ROBO1: variants seen among roughly 807,000 people sequenced by gnomAD.
ROBO1 encodes roundabout guidance receptor 1.
Under a neutral mutation model 195.9 loss-of-function variants are expected in ROBO1, and 149 were observed. The observed-to-expected ratio is 0.76, with a 90% CI of 0.67 to 0.87. The LOEUF is 0.87. Ranked by LOEUF, ROBO1 falls within the 40% of genes least tolerant of loss-of-function variation. The pLI is 0.00. For synonymous variants in ROBO1, 816 were observed against 733.2 expected, an observed-to-expected ratio of 1.11 and a Z score of -1.82; for missense variants, 1,933 against 2,068.3, an observed-to-expected ratio of 0.93 and a Z score of 1.27.
chr3:78,923,230 T>G (rs2039040581), intron 4 of ROBO1, among the ~76,000 whole-genome samples: 1 of 152,108 alleles, frequency 6.6e-6, no homozygotes. Flanking sequence ...TTTTGAGACT[T>G]TTTCTGTGCC....
intron 3 of ROBO1, among the ~76,000 whole-genome samples, chr3:79,105,844 T>C (rs1419398301): frequency 6.6e-6 from 1 of 151,764 alleles, no homozygotes; most frequent in African/African-American, 2.4e-5. Flanking sequence ...TACCAGTTGG[T>C]GTTTATGAAG....
At chr3:78,991,190 T>C (rs767448842) in intron 3 of ROBO1, among the ~76,000 whole-genome samples, 21 of 152,216 alleles carry the variant, frequency 1.4e-4, no homozygotes, top group Admixed American at 2.0e-4. Flanking sequence ...GCAAAGGTAC[T>C]AAAGGAAAGT....
intron 1 of ROBO1, among the ~76,000 whole-genome samples, chr3:79,604,640 G>A (rs1944430168): frequency 6.6e-6 from 1 of 151,904 alleles, no homozygotes; most frequent in South Asian, 2.1e-4. Context: ...CTGTGGGTGG[G>A]TGCCCAATTC....
At chr3:78,921,917 G>C (rs1306878889) in intron 4 of ROBO1, among the ~76,000 whole-genome samples, 2 of 151,890 alleles carry the variant, frequency 1.3e-5, no homozygotes, top group Admixed American at 6.6e-5. Context: ...CTCCCGAGTA[G>C]CTGGAACTAC....
chr3:78,868,940 T>C (rs2035360101), intron 4 of ROBO1, among the ~76,000 whole-genome samples: 1 of 152,190 alleles, frequency 6.6e-6, no homozygotes, highest in Admixed American at 6.5e-5. Context: ...TATAAACTTT[T>C]TTATTTTCTC....
chr3:78,922,844 C>T (rs979294045), intron 4 of ROBO1, among the ~76,000 whole-genome samples: 12 of 151,920 alleles, frequency 7.9e-5, no homozygotes, highest in African/African-American at 2.4e-4. Flanking sequence ...GGGATCCACC[C>T]GCCTCTGCCT....
intron 8 of ROBO1, among the ~76,000 whole-genome samples, chr3:78,696,205 T>G (rs1192212927): frequency 6.6e-6 from 1 of 151,586 alleles, no homozygotes; most frequent in Non-Finnish European, 1.5e-5. Flanking sequence ...TATGGGAGGC[T>G]GCACTCCTAT....
chr3:78,857,912 A>C (rs1016049739), intron 4 of ROBO1, among the ~76,000 whole-genome samples: 2 of 152,204 alleles, frequency 1.3e-5, no homozygotes, highest in African/African-American at 4.8e-5. Flanking sequence ...GAGAGAGTGT[A>C]CTGAACATAA....
intron 2 of ROBO1, among the ~76,000 whole-genome samples, chr3:79,228,543 C>A (rs1224851536): frequency 6.6e-6 from 1 of 152,020 alleles, no homozygotes; most frequent in Non-Finnish European, 1.5e-5. Context: ...TTCCATTTGT[C>A]AGGGAGATTT....
chr3:79,077,611 A>C (rs552924892), intron 3 of ROBO1, among the ~76,000 whole-genome samples: 2 of 151,910 alleles, frequency 1.3e-5, no homozygotes, highest in Non-Finnish European at 2.9e-5. Context: ...TTATATTGTC[A>C]GGCAAGAAAT....
chr3:79,044,154 ATCTC>A (rs2078544595), intron 3 of ROBO1, among the ~76,000 whole-genome samples: 1 of 151,678 alleles, frequency 6.6e-6, no homozygotes, highest in Non-Finnish European at 1.5e-5. Flanking sequence ...GCAAAAAAAA[ATCTC>A]ATCATCTTTT....
chr3:78,720,074 T>C (rs2082005088), intron 5 of ROBO1, among the ~76,000 whole-genome samples: 1 of 152,166 alleles, frequency 6.6e-6, no homozygotes, highest in Non-Finnish European at 1.5e-5. Flanking sequence ...AAGTATAACC[T>C]CTTCTCCCAC....
chr3:79,754,255 A>G lies in ROBO1; in HGVS notation c.-51+13497T>C, dbSNP rs368201821. ...AAATAGGATTATATAAGCATATTTTATATGCAATGTTAGAAGTGGACAGGA... is the reference window on the plus strand; with the variant it reads ...AAATAGGATTATATAAGCATATTTTGTATGCAATGTTAGAAGTGGACAGGA... On this transcript the variant is annotated intron_variant, in intron 1 of 30. Coordinates refer to ENST00000464233, the MANE Select transcript of ROBO1 (RefSeq NM_002941.4). 3.9e-5 allele frequency among the ~76,000 whole-genome samples: 6 copies of G among 152,322 alleles called. No individual in the cohort carries two copies. In the East Asian group the frequency reaches 1.2e-3, roughly 29 times the overall value.
chr3:79,369,499 T>C (rs1437408638), intron 2 of ROBO1, among the ~76,000 whole-genome samples: 1 of 152,210 alleles, frequency 6.6e-6, no homozygotes, highest in Non-Finnish European at 1.5e-5. Flanking sequence ...ATCCTTCATA[T>C]TGATTTTAGC....
intron 1 of ROBO1, among the ~76,000 whole-genome samples, chr3:79,623,298 C>T (rs7612839): frequency 0.56 from 85,726 of 151,994 alleles, 25,864 homozygotes; most frequent in East Asian, 0.89. Flanking sequence ...CTCCTCCAAA[C>T]AATCGCAACG....
At chr3:79,236,024 A>C (rs1229574023) in intron 2 of ROBO1, among the ~76,000 whole-genome samples, 1 of 152,016 alleles carries the variant, frequency 6.6e-6, no homozygotes, top group Non-Finnish European at 1.5e-5. Context: ...CCTTCTGTAA[A>C]ACTGGGCTTT....
At chr3:78,704,595 TACACACAC>T (rs34616317) in intron 8 of ROBO1, among the ~76,000 whole-genome samples, 7 of 141,082 alleles carry the variant, frequency 5.0e-5, no homozygotes, top group African/African-American at 1.9e-4. Flanking sequence ...AACACACACA[TACACACAC>T]ACACACACAC....
intron 1 of ROBO1, among the ~76,000 whole-genome samples, chr3:79,677,785 T>G (rs1946829809): frequency 6.6e-6 from 1 of 152,106 alleles, no homozygotes; most frequent in Non-Finnish European, 1.5e-5. Flanking sequence ...ACAAATTGTG[T>G]GATCCTGAGA....
At chr3:79,701,267 A>AGGTTTGTT (rs1252817701) in intron 1 of ROBO1, among the ~76,000 whole-genome samples, 2 of 151,856 alleles carry the variant, frequency 1.3e-5, no homozygotes, top group African/African-American at 2.4e-5. Context: ...CAATGCCTCC[A>AGGTTTGTT]GGTTTGTTCT....
Sources: allele counts gnomAD v4.1 joint callset (sites outside exome capture counted in the v4.1 genomes callset), GRCh38; gene constraint gnomAD v4.1.1; transcripts MANE v1.5; gene names NCBI Gene and HGNC (gene_info 2026-07-23, HGNC 2026-07-21).